NREP: variants seen among roughly 807,000 people sequenced by gnomAD.
The protein encoded by NREP is neuronal regeneration related protein.
A neutral mutation model predicts 8.6 loss-of-function variants in NREP; 5 were observed. The observed-to-expected ratio is 0.58, with a 90% confidence interval of 0.30 to 1.22. The LOEUF (loss-of-function observed/expected upper bound fraction) is 1.22, where lower values mean the gene tolerates loss of function less well. NREP is among the 50% of genes most tolerant of loss of function. NREP has a pLI of 0.07. For synonymous variants in NREP, 27 were observed against 28.0 expected (o/e 0.96, Z 0.11); for missense variants, 86 against 82.5 (o/e 1.04, Z -0.17).
At chr5:111,896,166 G>A (rs1441876890) in intron 2 of NREP, among the ~76,000 whole-genome samples, 1 of 152,126 alleles carries the variant, frequency 6.6e-6, no homozygotes, top group African/African-American at 2.4e-5. Context: ...AGATTGGTAG[G>A]AGGCTATTGA....
chr5:111,928,997 G>A (rs1176866973), intron 2 of NREP, among the ~76,000 whole-genome samples: 1 of 152,070 alleles, frequency 6.6e-6, no homozygotes, highest in Non-Finnish European at 1.5e-5. Context: ...CCATCAGGAT[G>A]CATATAATAA....
chr5:111,958,975 G>A (rs1756406304), intron 2 of NREP, among the ~76,000 whole-genome samples: 1 of 151,768 alleles, frequency 6.6e-6, no homozygotes, highest in African/African-American at 2.4e-5. Context: ...AATCCCTGGG[G>A]AAGGACACTG....
chr5:111,842,720 G>A (rs2112950758), intron 2 of NREP, among the ~76,000 whole-genome samples: 1 of 152,136 alleles, frequency 6.6e-6, no homozygotes, highest in East Asian at 1.9e-4. Context: ...ATTTCAACTT[G>A]AAGAATTCCC....
chr5:111,835,853 G>T (rs1052716365), intron 2 of NREP, among the ~76,000 whole-genome samples: 3 of 152,068 alleles, frequency 2.0e-5, no homozygotes, highest in African/African-American at 7.2e-5. Context: ...ATGATTTCTT[G>T]ACCAGAAGGT....
At chr5:111,932,332 T>C (rs1755564420) in intron 2 of NREP, among the ~76,000 whole-genome samples, 1 of 152,034 alleles carries the variant, frequency 6.6e-6, no homozygotes, top group Non-Finnish European at 1.5e-5. Flanking sequence ...ATACACTGAA[T>C]GGAATGTATT....
intron 2 of NREP, among the ~76,000 whole-genome samples, chr5:111,750,156 G>A (rs531147700): frequency 6.6e-6 from 1 of 152,236 alleles, no homozygotes; most frequent in African/African-American, 2.4e-5. Flanking sequence ...AAACAAGGAG[G>A]AAGATCTCCC....
rs1748455232 is a variant in NREP at position 111,730,543 on chromosome 5, G to GA, written c.*377_*378insT. The GA allele has an allele frequency of 5.9e-6, 1 of 168,420 alleles. No homozygotes were observed. 10.4% of individuals were successfully genotyped at this position (168,420 alleles called of 1,614,324 possible). ...ACATCTAAATGAAAAAAAAGGTGGG[G>GA]GGGGGACTCTCAGCCTCTGCAAGAA... is the stretch of plus-strand genomic sequence containing the variant. On this transcript the variant is annotated 3_prime_UTR_variant, in exon 4 of 4. Transcript: ENST00000257435.
chr5:111,851,935 G>A (rs1235219674), intron 2 of NREP, among the ~76,000 whole-genome samples: 2 of 152,276 alleles, frequency 1.3e-5, no homozygotes, highest in East Asian at 1.9e-4. Flanking sequence ...ACAATGTCCT[G>A]TAAGACATGA....
chr5:111,857,981 C>G (rs1487898708), intron 2 of NREP, among the ~76,000 whole-genome samples: 7 of 151,796 alleles, frequency 4.6e-5, no homozygotes, highest in Non-Finnish European at 1.0e-4. Flanking sequence ...AAAAAAGACC[C>G]ATTCAGTCCT....
At chr5:111,848,129 G>C (rs1753225676) in intron 2 of NREP, among the ~76,000 whole-genome samples, 1 of 152,164 alleles carries the variant, frequency 6.6e-6, no homozygotes, top group South Asian at 2.1e-4. Context: ...CTGATTTATG[G>C]TCTTGGGTAT....
At chr5:111,748,535 T>A (rs943432314) in intron 2 of NREP, among the ~76,000 whole-genome samples, 4 of 152,154 alleles carry the variant, frequency 2.6e-5, no homozygotes, top group African/African-American at 9.7e-5. Context: ...TAGTTAGGTA[T>A]GGGAGCACAG....
At chr5:111,865,003 TG>T (rs1753633477) in intron 2 of NREP, among the ~76,000 whole-genome samples, 1 of 152,162 alleles carries the variant, frequency 6.6e-6, no homozygotes, top group African/African-American at 2.4e-5. Context: ...TGTGAAATTC[TG>T]TCTATTATTA....
intron 2 of NREP, among the ~76,000 whole-genome samples, chr5:111,912,990 A>G (rs1754954541): frequency 6.6e-6 from 1 of 152,118 alleles, no homozygotes; most frequent in Admixed American, 6.6e-5. Flanking sequence ...ATTGATTTTG[A>G]GTCACTTATT....
intron 2 of NREP, among the ~76,000 whole-genome samples, chr5:111,828,082 G>A (rs1752670730): frequency 1.3e-5 from 2 of 151,566 alleles, no homozygotes; most frequent in Admixed American, 6.6e-5. Flanking sequence ...CCAGGCTGGA[G>A]TGCAATGGCA....
chr5:111,866,991 G>C (rs1177994376), intron 2 of NREP, among the ~76,000 whole-genome samples: 2 of 147,596 alleles, frequency 1.4e-5, no homozygotes, highest in Admixed American at 1.4e-4. Context: ...ACCGGGGCCT[G>C]TTGTGGGGTG....
intron 2 of NREP, chr5:111,738,327 G>C (rs1749338630): frequency 2.0e-5 from 3 of 152,182 alleles, no homozygotes; most frequent in South Asian, 4.1e-4. Flanking sequence ...TATTCCGCAA[G>C]GGCCTGAACT....
chr5:111,737,669 T>G (rs942751458), intron 2 of NREP, among the ~76,000 whole-genome samples: 1 of 151,080 alleles, frequency 6.6e-6, no homozygotes, highest in Admixed American at 6.6e-5. Flanking sequence ...TCAGAAATTA[T>G]TACACCTATT....
intron 2 of NREP, among the ~76,000 whole-genome samples, chr5:111,779,208 G>T (rs892697000): frequency 6.6e-6 from 1 of 152,132 alleles, no homozygotes; most frequent in Non-Finnish European, 1.5e-5. Flanking sequence ...GCTTATTGCT[G>T]TGTTGTTGGG....
chr5:111,934,603 G>T (rs593236), intron 2 of NREP, among the ~76,000 whole-genome samples: 73,249 of 151,814 alleles, frequency 0.48, 18,367 homozygotes, highest in South Asian at 0.61. Flanking sequence ...AGTTAAACAT[G>T]AGCTGCTCAG....
Sources: allele counts gnomAD v4.1 joint callset (sites outside exome capture counted in the v4.1 genomes callset), GRCh38; gene constraint gnomAD v4.1.1; transcripts MANE v1.5; gene names NCBI Gene and HGNC (gene_info 2026-07-23, HGNC 2026-07-21).